Variants in TSHR observed in about 807,000 individuals in gnomAD.
The protein encoded by TSHR is thyrotropin receptor.
TSHR carries 51 observed loss-of-function variants against 64.1 expected under a neutral mutation model. The observed-to-expected ratio is 0.80, with a 90% CI of 0.64 to 1.01. The LOEUF (loss-of-function observed/expected upper bound fraction) is 1.01. Among genes scored for constraint, TSHR ranks in the 50% least tolerant of loss-of-function variants. TSHR has a pLI of 0.00. For missense variants in TSHR, 877 were observed against 942.8 expected (o/e 0.93, Z 0.91); for synonymous variants, 361 against 361.9 (o/e 1.00, Z 0.03).
intron 1 of TSHR, among the ~76,000 whole-genome samples, chr14:81,036,953 G>C (rs1168517555): frequency 1.3e-5 from 2 of 152,002 alleles, no homozygotes. Flanking sequence ...GACCAGCCTG[G>C]CCAAAATGGT....
Position 81,092,517 on chromosome 14 carries a change from CCT to C in TSHR, c.468-7_468-6del. ...CATTTTTTCATTAAGTGTTTTTGTC[CCT>C]CTCTCTTGCAGTGAAATTACAGACA... On this transcript the variant is annotated splice_polypyrimidine_tract_variant and intron_variant, in intron 5 of 9. Coordinates refer to ENST00000298171, the MANE Select transcript of TSHR (RefSeq NM_000369.5). 6.2e-7 allele frequency: 1 copy of C among 1,613,510 alleles called. No homozygotes were observed. The highest frequency in any genetic ancestry group is 8.5e-7 in the Non-Finnish European group (1 of 1,179,498).
intron 8 of TSHR, among the ~76,000 whole-genome samples, chr14:81,138,701 T>G (rs1891558531): frequency 6.6e-6 from 1 of 152,052 alleles, no homozygotes; most frequent in Non-Finnish European, 1.5e-5. Flanking sequence ...ATTACAACGA[T>G]GTGGGGGGAG....
At chr14:81,038,279 G>C (rs1463093645) in intron 1 of TSHR, among the ~76,000 whole-genome samples, 6 of 151,800 alleles carry the variant, frequency 4.0e-5, no homozygotes, top group Non-Finnish European at 8.8e-5. Flanking sequence ...AAAATTTCTT[G>C]AAACAAATGA....
At chr14:81,141,304 A>G (rs1259903661) in intron 9 of TSHR, among the ~76,000 whole-genome samples, 1 of 152,236 alleles carries the variant, frequency 6.6e-6, no homozygotes, top group Non-Finnish European at 1.5e-5. Context: ...CCTCAGGGGC[A>G]GGGTCTAGAT....
intron 1 of TSHR, chr14:81,012,096 C>A (rs950890633): frequency 6.6e-6 from 1 of 151,200 alleles, no homozygotes. Context: ...CCCCTTCCCC[C>A]CACCCCACAA....
At chr14:81,124,206 T>C (rs1012719855) in intron 8 of TSHR, among the ~76,000 whole-genome samples, 1 of 151,870 alleles carries the variant, frequency 6.6e-6, no homozygotes, top group Non-Finnish European at 1.5e-5. Context: ...TCATATTTCT[T>C]TGGTTTCTTT....
chr14:81,031,693 A>G (rs1481389704), intron 1 of TSHR, among the ~76,000 whole-genome samples: 1 of 152,204 alleles, frequency 6.6e-6, no homozygotes, highest in African/African-American at 2.4e-5. Context: ...TGCATGAACC[A>G]GCCTGGCACT....
At chr14:80,961,631 A>G (rs1041116246) in intron 1 of TSHR, among the ~76,000 whole-genome samples, 2 of 152,158 alleles carry the variant, frequency 1.3e-5, no homozygotes, top group Non-Finnish European at 2.9e-5. Flanking sequence ...GTGAATTCTG[A>G]TGTCCTTGGG....
chr14:81,032,473 G>T, intron 1 of TSHR: 1 of 315,020 alleles, frequency 3.2e-6, no homozygotes. Context: ...CCTTGTAAAA[G>T]CAACAAGGGA....
At chr14:80,975,716 C>G (rs866257207) in intron 1 of TSHR, among the ~76,000 whole-genome samples, 4 of 152,144 alleles carry the variant, frequency 2.6e-5, no homozygotes, top group African/African-American at 9.7e-5. Context: ...TAGATTCTTT[C>G]CTAAGTTGAA....
chr14:81,088,526 G>A (rs1372807763), intron 4 of TSHR, among the ~76,000 whole-genome samples: 2 of 152,120 alleles, frequency 1.3e-5, no homozygotes, highest in Admixed American at 6.6e-5. Context: ...AACACCTTAT[G>A]AGCTAACCAT....
At chr14:81,091,207 A>C (rs1231100885) in intron 5 of TSHR, 64 bp downstream of exon 5, 35 of 1,394,864 alleles carry the variant, frequency 2.5e-5, no homozygotes, top group Non-Finnish European at 3.4e-5. Flanking sequence ...ACTAGAATAC[A>C]GTCATGAGGG....
chr14:81,023,962 C>A (rs1013038277), intron 1 of TSHR, among the ~76,000 whole-genome samples: 3 of 152,090 alleles, frequency 2.0e-5, no homozygotes, highest in Non-Finnish European at 4.4e-5. Context: ...CTACTATGTA[C>A]CCCCTAAAAT....
intron 5 of TSHR, among the ~76,000 whole-genome samples, chr14:81,091,639 G>GT (rs1436251124): frequency 1.3e-5 from 2 of 152,210 alleles, no homozygotes; most frequent in African/African-American, 2.4e-5. Flanking sequence ...AGTTTTAATA[G>GT]TTTTTTAAAC....
chr14:80,962,032 C>T (rs896086868), intron 1 of TSHR, among the ~76,000 whole-genome samples: 5 of 152,068 alleles, frequency 3.3e-5, no homozygotes, highest in East Asian at 1.9e-4. Flanking sequence ...TGAGATCCTC[C>T]GGGTTGAATG....
At chr14:81,125,112 TA>T (rs1176556422) in intron 8 of TSHR, among the ~76,000 whole-genome samples, 2 of 152,176 alleles carry the variant, frequency 1.3e-5, no homozygotes, top group Admixed American at 6.5e-5. Flanking sequence ...AACTGTAACA[TA>T]AGTTTAATGT....
At chr14:81,087,900 A>T in intron 3 of TSHR, 54 bp from the exon 4 acceptor site, 1 of 1,294,336 alleles carries the variant, frequency 7.7e-7, no homozygotes, top group Non-Finnish European at 1.1e-6. Context: ...TTTGTCTTTG[A>T]TAAGAACAGA....
intron 1 of TSHR, among the ~76,000 whole-genome samples, chr14:81,005,238 T>TGC (rs1352525223): frequency 8.2e-6 from 1 of 122,056 alleles, no homozygotes; most frequent in African/African-American, 4.5e-5. Flanking sequence ...TGTGTGTGTG[T>TGC]GTGCACGCAC....
intron 1 of TSHR, among the ~76,000 whole-genome samples, chr14:80,969,353 A>G (rs1182169968): frequency 6.6e-6 from 1 of 152,240 alleles, no homozygotes; most frequent in Non-Finnish European, 1.5e-5. Context: ...TCATACTGGT[A>G]GATCAGGTAT....
Sources: gnomAD v4.1 joint callset for allele counts (sites outside exome capture counted in the v4.1 genomes callset) on GRCh38, gnomAD v4.1.1 for gene constraint, MANE v1.5 for transcripts, NCBI Gene and HGNC (gene_info 2026-07-23, HGNC 2026-07-21) for gene names.